CAPSL: variants seen among roughly 807,000 people sequenced by gnomAD.
The protein encoded by CAPSL is calcyphosin-like protein.
Under a neutral mutation model 21.3 loss-of-function variants are expected in CAPSL, and 17 were observed. That is an observed-to-expected ratio of 0.80 (90% CI 0.55 to 1.20). The LOEUF (loss-of-function observed/expected upper bound fraction) is 1.20, where lower values mean the gene tolerates loss of function less well. Ranked by LOEUF, CAPSL falls within the 50% of genes most tolerant of loss-of-function variation. The pLI is 0.00. For synonymous variants in CAPSL, 102 were observed against 89.3 expected, an observed-to-expected ratio of 1.14 and a Z score of -0.80; for missense variants, 289 against 259.3, an observed-to-expected ratio of 1.11 and a Z score of -0.79.
intron 3 of CAPSL, 26 bp from the exon 4 acceptor site, chr5:35,910,101 G>A (rs771405172): frequency 3.2e-6 from 5 of 1,558,094 alleles, no homozygotes; most frequent in Non-Finnish European, 4.3e-6. Context: ...AATACATACA[G>A]AGACATACAT....
chr5:35,928,354 G>T (rs531259467), intron 1 of CAPSL, among the ~76,000 whole-genome samples: 1 of 152,116 alleles, frequency 6.6e-6, no homozygotes, highest in South Asian at 2.1e-4. Flanking sequence ...CCTAGCAGGC[G>T]GCTAGGAAGT....
At chr5:35,936,857 G>A (rs1302892506) in intron 1 of CAPSL, among the ~76,000 whole-genome samples, 3 of 152,220 alleles carry the variant, frequency 2.0e-5, no homozygotes, top group East Asian at 3.8e-4. Context: ...TCTGGAGCCA[G>A]ATTTCTCACA....
intron 4 of CAPSL, among the ~76,000 whole-genome samples, chr5:35,907,590 AGTGAGGTATT>A (rs1760708141): frequency 6.6e-6 from 1 of 152,176 alleles, no homozygotes; most frequent in South Asian, 2.1e-4. Flanking sequence ...ATGGGAGTCC[AGTGAGGTATT>A]AGTGCAAGAT....
intron 1 of CAPSL, among the ~76,000 whole-genome samples, chr5:35,937,555 T>A (rs909336122): frequency 2.0e-5 from 3 of 152,206 alleles, no homozygotes; most frequent in African/African-American, 7.2e-5. Context: ...AGCATTCACA[T>A]TGCAAGACAA....
At chr5:35,915,775 T>C (rs1316016301) in intron 2 of CAPSL, among the ~76,000 whole-genome samples, 1 of 152,172 alleles carries the variant, frequency 6.6e-6, no homozygotes, top group Non-Finnish European at 1.5e-5. Context: ...GGCAAAAAAC[T>C]GGAAGCATTC....
At chr5:35,936,450 C>T (rs565292974) in intron 1 of CAPSL, among the ~76,000 whole-genome samples, 2 of 152,282 alleles carry the variant, frequency 1.3e-5, no homozygotes, top group Admixed American at 6.5e-5. Context: ...TCCAGATTTT[C>T]TACTTTCTCA....
At chr5:35,922,627 C>A (rs1030393502) in intron 1 of CAPSL, among the ~76,000 whole-genome samples, 3 of 152,188 alleles carry the variant, frequency 2.0e-5, no homozygotes, top group African/African-American at 7.2e-5. Context: ...GCACACCCTG[C>A]GCTTAGAGAC....
chr5:35,919,765 C>A (rs972857076), intron 2 of CAPSL, among the ~76,000 whole-genome samples: 2 of 152,132 alleles, frequency 1.3e-5, no homozygotes, highest in Non-Finnish European at 2.9e-5. Flanking sequence ...GTAAGTGAGG[C>A]AGATGGCACA....
At chr5:35,935,182 T>A (rs1423183578) in intron 1 of CAPSL, among the ~76,000 whole-genome samples, 7 of 152,174 alleles carry the variant, frequency 4.6e-5, no homozygotes, top group Non-Finnish European at 1.0e-4. Flanking sequence ...GTGTCATCAA[T>A]CTGGGAAAAC....
At chr5:35,905,594 A>G (rs1760656502) in intron 4 of CAPSL, among the ~76,000 whole-genome samples, 1 of 152,228 alleles carries the variant, frequency 6.6e-6, no homozygotes, top group African/African-American at 2.4e-5. Context: ...CACATCTACA[A>G]TACATGCATA....
rs947920815 is a variant in CAPSL, at chr5:35,909,892, C to A, written c.499G>T (p.Asp167Tyr). The A allele has an allele frequency of 6.2e-7, 1 of 1,613,120 alleles. No homozygotes were observed. The highest frequency in any genetic ancestry group is 1.3e-5 in the African/African-American group (1 of 75,014). Residue 167 changes from aspartate to tyrosine, a missense_variant, in exon 4 of 5, where the codon GAT becomes TAT. Coordinates refer to ENST00000651391, the MANE Select transcript of CAPSL (RefSeq NM_001042625.2). ...AATCCATCTTTGTCATAGGGTGAAT[C>A]AAAGTTATCCAGAAATTTCCTAAAT... ...QVFRKFLDNF[D>Y]SPYDKDGLVT...
At chr5:35,910,277 C>T (rs1223444033) in intron 3 of CAPSL, 89 bp downstream of exon 3, 4 of 1,419,706 alleles carry the variant, frequency 2.8e-6, no homozygotes, top group East Asian at 2.3e-5. Flanking sequence ...AGTGTACTAA[C>T]AACTTGTAAA....
chr5:35,922,809 G>A (rs995785963), intron 1 of CAPSL, among the ~76,000 whole-genome samples: 3 of 152,094 alleles, frequency 2.0e-5, no homozygotes, highest in Admixed American at 6.5e-5. Context: ...CCCAGAGCTC[G>A]TTCCCAGCTT....
chr5:35,926,415 G>A (rs909968426), intron 1 of CAPSL, among the ~76,000 whole-genome samples: 3 of 152,170 alleles, frequency 2.0e-5, no homozygotes, highest in Non-Finnish European at 4.4e-5. Flanking sequence ...GTCCCATTAA[G>A]GCTGTCTCAT....
chr5:35,933,691 T>C (rs1738875575), intron 1 of CAPSL, among the ~76,000 whole-genome samples: 1 of 152,184 alleles, frequency 6.6e-6, no homozygotes, highest in African/African-American at 2.4e-5. Context: ...GAGGGGTAAC[T>C]GCAGAGGGGA....
At chr5:35,917,523 A>C (rs1738423418) in intron 2 of CAPSL, among the ~76,000 whole-genome samples, 1 of 152,188 alleles carries the variant, frequency 6.6e-6, no homozygotes, top group Non-Finnish European at 1.5e-5. Context: ...ACACCATGGA[A>C]TACTATGCAG....
chr5:35,924,958 G>A (rs867770985), intron 1 of CAPSL, among the ~76,000 whole-genome samples: 3 of 152,340 alleles, frequency 2.0e-5, no homozygotes, highest in Admixed American at 6.5e-5. Context: ...CTTCATAGCA[G>A]TGCACAAAGT....
intron 2 of CAPSL, among the ~76,000 whole-genome samples, chr5:35,913,946 G>A (rs1261857997): frequency 6.6e-6 from 1 of 152,154 alleles, no homozygotes; most frequent in Non-Finnish European, 1.5e-5. Flanking sequence ...CCATCAGTGT[G>A]CTGTATTCAG....
chr5:35,906,668 TA>T (rs1439247844), intron 4 of CAPSL, among the ~76,000 whole-genome samples: 1 of 152,202 alleles, frequency 6.6e-6, no homozygotes, highest in Non-Finnish European at 1.5e-5. Context: ...CAGTGTATAA[TA>T]AGATTTCCTA....
Sources: allele counts gnomAD v4.1 joint callset (sites outside exome capture counted in the v4.1 genomes callset), GRCh38; gene constraint gnomAD v4.1.1; transcripts MANE v1.5; gene names NCBI Gene and HGNC (gene_info 2026-07-23, HGNC 2026-07-21).